APBB2: variants seen among roughly 807,000 people sequenced by gnomAD.
APBB2 encodes the protein Fe65-like 1.
A neutral mutation model predicts 82.5 loss-of-function variants in APBB2; 38 were observed. The ratio of observed to expected loss-of-function variants is 0.46; its 90% CI spans 0.36 to 0.60. APBB2 has a LOEUF of 0.60. Among genes scored for constraint, APBB2 ranks in the 20% least tolerant of loss-of-function variants. The pLI is 0.00. For missense variants in APBB2, 772 were observed against 972.3 expected (o/e 0.79, Z 2.74); for synonymous variants, 341 against 368.2 (o/e 0.93, Z 0.85).
chr4:40,842,866 C>CAGGG (rs1490756271), intron 12 of APBB2, among the ~76,000 whole-genome samples: 1 of 151,850 alleles, frequency 6.6e-6, no homozygotes, highest in Non-Finnish European at 1.5e-5. Context: ...TACAGGGCAA[C>CAGGG]AGGGAGGGAG....
intron 7 of APBB2, among the ~76,000 whole-genome samples, chr4:40,936,640 G>A (rs1032119297): frequency 2.0e-5 from 3 of 152,034 alleles, no homozygotes; most frequent in Non-Finnish European, 4.4e-5. Flanking sequence ...TTGCACATGT[G>A]GTGTCATTTT....
chr4:41,166,965 G>T lies in APBB2; in HGVS notation c.-416-23823C>A, dbSNP rs1415983718. Among the ~76,000 whole-genome samples, 7 of 152,304 alleles carry T rather than the reference G, an allele frequency of 4.6e-5. No homozygotes were observed. In the East Asian group the frequency reaches 1.2e-3, roughly 25 times the overall value. ...CTGCAAGTGGTGGGTGACTGAACCTGCATTTTGGGGTTAAACCCACACTTC... is the reference window on the plus strand; with the variant it reads ...CTGCAAGTGGTGGGTGACTGAACCTTCATTTTGGGGTTAAACCCACACTTC... On this transcript the variant is annotated intron_variant, in intron 1 of 17. Transcript: ENST00000508593.
chr4:41,012,562 C>T (rs576902395), intron 6 of APBB2, among the ~76,000 whole-genome samples: 2 of 152,092 alleles, frequency 1.3e-5, no homozygotes, highest in Non-Finnish European at 2.9e-5. Flanking sequence ...ACTTCAAAAA[C>T]GCTACTTTTT....
intron 12 of APBB2, among the ~76,000 whole-genome samples, chr4:40,870,721 G>C (rs1033494596): frequency 1.6e-4 from 24 of 150,828 alleles, no homozygotes; most frequent in African/African-American, 5.9e-4. Flanking sequence ...GTGTGTGTGT[G>C]TGTATACACA....
At chr4:41,020,448 C>T (rs189753598) in intron 5 of APBB2, among the ~76,000 whole-genome samples, 69 of 152,284 alleles carry the variant, frequency 4.5e-4, no homozygotes, top group African/African-American at 1.7e-3. Context: ...AGGAAAATTG[C>T]CTAATAATTG....
chr4:41,086,436 T>A (rs1248786147), intron 3 of APBB2, among the ~76,000 whole-genome samples: 2 of 152,124 alleles, frequency 1.3e-5, no homozygotes, highest in Admixed American at 1.3e-4. Context: ...CTAAACCAAA[T>A]TCAACAGCTT....
At chr4:41,120,129 T>G (rs945600133) in intron 2 of APBB2, among the ~76,000 whole-genome samples, 1 of 152,196 alleles carries the variant, frequency 6.6e-6, no homozygotes, top group African/African-American at 2.4e-5. Context: ...CTCAGGATCC[T>G]TCAAGGCCTG....
At chr4:40,825,026 A>G (rs546617991) in intron 15 of APBB2, among the ~76,000 whole-genome samples, 10 of 152,340 alleles carry the variant, frequency 6.6e-5, no homozygotes, top group African/African-American at 2.2e-4. Context: ...CATCCACGCT[A>G]CAGCGCACTT....
chr4:41,049,320 G>A (rs567035550), intron 4 of APBB2, among the ~76,000 whole-genome samples: 7 of 107,780 alleles, frequency 6.5e-5, no homozygotes, highest in South Asian at 3.5e-4. Flanking sequence ...CAGCCGCCCC[G>A]TCGGAGAAGT....
chr4:41,195,340 T>A, intron 1 of APBB2, among the ~76,000 whole-genome samples: 2 of 152,090 alleles, frequency 1.3e-5, no homozygotes, highest in South Asian at 4.2e-4. Context: ...CCGACTAAGA[T>A]CCTCAGAATT....
intron 4 of APBB2, among the ~76,000 whole-genome samples, chr4:41,043,514 T>G (rs1228164333): frequency 4.6e-5 from 7 of 152,204 alleles, no homozygotes; most frequent in African/African-American, 1.7e-4. Flanking sequence ...TTCATAAAAA[T>G]ATTTTAAAAT....
intron 10 of APBB2, among the ~76,000 whole-genome samples, chr4:40,911,353 A>G (rs184275344): frequency 6.6e-6 from 1 of 152,256 alleles, no homozygotes; most frequent in East Asian, 1.9e-4. Context: ...GAATGTTGGG[A>G]GCACTAAATG....
At chr4:41,119,010 G>A (rs1200384846) in intron 2 of APBB2, among the ~76,000 whole-genome samples, 2 of 151,962 alleles carry the variant, frequency 1.3e-5, no homozygotes, top group Admixed American at 6.6e-5. Context: ...GTTGTAGTGC[G>A]CACCTGTGGC....
chr4:41,026,321 C>A (rs1714200087), intron 5 of APBB2, among the ~76,000 whole-genome samples: 1 of 152,020 alleles, frequency 6.6e-6, no homozygotes, highest in Admixed American at 6.6e-5. Flanking sequence ...CACATGTACC[C>A]CTGAACCTAA....
At chr4:41,021,079 T>C (rs902989369) in intron 5 of APBB2, among the ~76,000 whole-genome samples, 1 of 152,240 alleles carries the variant, frequency 6.6e-6, no homozygotes, top group Admixed American at 6.5e-5. Flanking sequence ...CCCTGTATTT[T>C]TAATCTCCTT....
At chr4:40,864,982 C>T (rs2154337236) in intron 12 of APBB2, among the ~76,000 whole-genome samples, 1 of 152,010 alleles carries the variant, frequency 6.6e-6, no homozygotes, top group South Asian at 2.1e-4. Context: ...TCTCAGCCTC[C>T]CGAGTAGCTG....
chr4:41,080,791 C>T (rs1043220200), intron 3 of APBB2, among the ~76,000 whole-genome samples: 14 of 151,750 alleles, frequency 9.2e-5, no homozygotes, highest in Admixed American at 7.9e-4. Context: ...CAACCTCCAC[C>T]TCCCAGATTC....
At chr4:41,155,420 G>A (rs935125430) in intron 1 of APBB2, among the ~76,000 whole-genome samples, 11 of 152,208 alleles carry the variant, frequency 7.2e-5, no homozygotes, top group Non-Finnish European at 1.3e-4. Flanking sequence ...CAGGGCACAA[G>A]ATTATGCGTC....
At chr4:40,935,264 A>G (rs1292131745) in intron 7 of APBB2, 125 bp from the exon 8 acceptor site, 2 of 691,514 alleles carry the variant, frequency 2.9e-6, no homozygotes, top group East Asian at 5.6e-5. Context: ...GTTAGGGAAC[A>G]AGTTAACTCT....
Sources: gnomAD v4.1 joint callset for allele counts (sites outside exome capture counted in the v4.1 genomes callset) on GRCh38, gnomAD v4.1.1 for gene constraint, MANE v1.5 for transcripts, NCBI Gene and HGNC (gene_info 2026-07-23, HGNC 2026-07-21) for gene names.